The following BBOF1 variants were observed in gnomAD, a reference collection of about 807,000 sequenced individuals.
The protein encoded by BBOF1 is basal body orientation factor 1, also known as basal body-orientation factor 1.
In BBOF1, 62 loss-of-function variants were observed where a neutral mutation model predicts 68.0. That is an observed-to-expected ratio of 0.91 (90% CI 0.74 to 1.13). The LOEUF is 1.13. Ranked by LOEUF, BBOF1 falls within the 50% of genes most tolerant of loss-of-function variation. The pLI is 0.00. For missense variants in BBOF1, 534 were observed against 600.1 expected (o/e 0.89, Z 1.15); for synonymous variants, 208 against 198.8 (o/e 1.05, Z -0.39).
intron 12 of BBOF1, among the ~76,000 whole-genome samples, chr14:74,081,851 C>G (rs1280632830): frequency 6.6e-6 from 1 of 152,102 alleles, no homozygotes; most frequent in African/African-American, 2.4e-5. Context: ...AATTTTCAGC[C>G]CCATCAGTTA....
intron 9 of BBOF1, among the ~76,000 whole-genome samples, chr14:74,075,581 C>T (rs1468508): frequency 0.24 from 36,431 of 151,370 alleles, 4,897 homozygotes; most frequent in South Asian, 0.46. Flanking sequence ...TGCTTCAGCC[C>T]GGGAGGGTGA....
Position 74,055,642 on chromosome 14 carries a change from G to T in BBOF1, c.1345G>T (p.Val449Leu). Residue 449 changes from valine (V) to leucine (L), a missense_variant, in exon 9 of 12, where the codon GTA (valine) becomes TTA (leucine). Val to Leu is a conservative substitution (Grantham distance 32). Transcript: ENST00000394009. ...GDLTWEQKEK[V>L]LRLLFAKMNG... ...TTTGACCTGGGAGCAGAAGGAAAAA[G>T]TATTGCGATTGCTCTTTGCAAAAAT... is the stretch of plus-strand genomic sequence containing the variant. The T allele has an allele frequency of 6.2e-7, 1 of 1,614,012 alleles. No homozygotes were observed. Among genetic ancestry groups the T allele is most frequent in the Non-Finnish European group, 8.5e-7 (1 of 1,179,962 alleles).
chr14:74,031,558 G>T (rs2059570648), intron 3 of BBOF1, among the ~76,000 whole-genome samples: 1 of 152,016 alleles, frequency 6.6e-6, no homozygotes, highest in Non-Finnish European at 1.5e-5. Flanking sequence ...CATCATTCTG[G>T]AGGCTAGAAG....
chr14:74,028,711 A>ATT (rs879793491), intron 2 of BBOF1, among the ~76,000 whole-genome samples: 6 of 133,344 alleles, frequency 4.5e-5, no homozygotes, highest in South Asian at 2.4e-4. Flanking sequence ...CTCCATCTCT[A>ATT]TTTTTTTTTT....
rs1303283056 is a variant in BBOF1 at position 74,064,975 on chromosome 14, G to GA, written c.*279dup. 9.8e-6 allele frequency: 15 copies of GA among 1,529,810 alleles called. No homozygotes were observed. In the African/African-American group the frequency reaches 1.9e-4, roughly 20 times the overall value. 94.8% of individuals were successfully genotyped at this position (1,529,810 alleles called of 1,614,324 possible). ...TAAGGACAAAGGAACTCTCCATTTAGAAACACAAAGGCATCAGAGACCAGT... is the reference window on the plus strand; with the variant it reads ...TAAGGACAAAGGAACTCTCCATTTAGAAAACACAAAGGCATCAGAGACCAGT... On this transcript the variant is annotated 3_prime_UTR_variant, in exon 12 of 12. Coordinates refer to ENST00000394009, the MANE Select transcript of BBOF1 (RefSeq NM_025057.3).
At position 74,065,715 on chromosome 14, in the gene BBOF1, C is replaced by T; in HGVS notation, c.*1016C>T. ...ACATGAAAATTTATTTTTTATAAAT[C>T]CAATCTATAGTAAATATACCAGGAT... On this transcript the variant is annotated 3_prime_UTR_variant, in exon 12 of 12. Transcript: ENST00000394009. 1 of 275,842 alleles carries T rather than the reference C, an allele frequency of 3.6e-6. No homozygotes were observed. The highest frequency in any genetic ancestry group is 3.9e-5 in the South Asian group (1 of 25,370). The allele number at this position is 275,842 out of a possible 1,614,324, so 17.1% of individuals were successfully genotyped here. A position where few individuals can be genotyped will look rare whatever the true frequency, so the allele number is the denominator to read the frequency against.
At chr14:74,076,927 G>T (rs1023031671) in intron 9 of BBOF1, among the ~76,000 whole-genome samples, 1 of 152,164 alleles carries the variant, frequency 6.6e-6, no homozygotes, top group Non-Finnish European at 1.5e-5. Flanking sequence ...TCAGGACTGG[G>T]ATATAAAGGA....
intron 6 of BBOF1, among the ~76,000 whole-genome samples, chr14:74,047,693 C>A (rs923231599): frequency 6.6e-6 from 1 of 152,096 alleles, no homozygotes; most frequent in Non-Finnish European, 1.5e-5. Flanking sequence ...CCCGTCTCAG[C>A]CTCTCAAAGT....
At chr14:74,081,292 A>C (rs1397549016) in intron 12 of BBOF1, 1 of 152,244 alleles carries the variant, frequency 6.6e-6, no homozygotes, top group Non-Finnish European at 1.5e-5. Context: ...CTTAGTAAGC[A>C]ATATTTTGCA....
intron 10 of BBOF1, 81 bp from the exon 11 acceptor site, chr14:74,057,063 A>G (rs955925081): frequency 1.1e-5 from 18 of 1,592,444 alleles, no homozygotes; most frequent in Non-Finnish European, 1.5e-5. Context: ...AATTGAAAGT[A>G]ATATGACAAG....
chr14:74,034,927 A>C (rs968437046), intron 4 of BBOF1, among the ~76,000 whole-genome samples: 1 of 152,022 alleles, frequency 6.6e-6, no homozygotes, highest in Non-Finnish European at 1.5e-5. Context: ...CCAACTCTAC[A>C]AAAAAATGTT....
At chr14:74,046,179 T>G in intron 6 of BBOF1, 49 bp downstream of exon 6, 1 of 1,463,606 alleles carries the variant, frequency 6.8e-7, no homozygotes, top group Non-Finnish European at 9.3e-7. Flanking sequence ...CTCTTACCTC[T>G]TTGCTGGTCT....
Position 74,050,166 on chromosome 14 carries a change from G to C in BBOF1, c.1257G>C (p.Val419=), listed in dbSNP as rs767038308. Residue 419 remains valine, a synonymous_variant, in exon 8 of 12, where the codon GTG becomes GTC. Transcript: ENST00000394009. ...GCAGAGAGCACAGCACCAATAGTGT[G>C]AATCAGGATCTTCTGGAGGCCGAAA... ...FDGREHSTNS[V]NQDLLEAEKW... The C allele has an allele frequency of 5.1e-6, 8 of 1,560,198 alleles. No homozygotes were observed. The African/African-American group carries it at 8.2e-5, about 16-fold the overall frequency.
chr14:74,047,811 T>G, intron 6 of BBOF1, 119 bp from the exon 7 acceptor site: 1 of 837,550 alleles, frequency 1.2e-6, no homozygotes, highest in South Asian at 2.1e-5. Context: ...CACCATAAGC[T>G]AAATAGGTGG....
intron 11 of BBOF1, among the ~76,000 whole-genome samples, chr14:74,062,312 T>C (rs1445626012): frequency 6.6e-6 from 1 of 151,594 alleles, no homozygotes; most frequent in Non-Finnish European, 1.5e-5. Flanking sequence ...TTACAAAAGC[T>C]GTGACTAGGC....
At chr14:74,072,907 C>T (rs2060570099) in intron 9 of BBOF1, among the ~76,000 whole-genome samples, 1 of 151,880 alleles carries the variant, frequency 6.6e-6, no homozygotes, top group Non-Finnish European at 1.5e-5. Context: ...TCGAGCAATT[C>T]TCTTGCCTCA....
Position 74,023,136 on chromosome 14 carries a change from G to T in BBOF1, c.277G>T (p.Asp93Tyr). Reference sequence around the variant, plus strand: ...CCTGAAGAAGCAGGATCAGGAGAAAGATAATATGGTAGGTAGGTAGAAAGC... The same window carrying T: ...CCTGAAGAAGCAGGATCAGGAGAAATATAATATGGTAGGTAGGTAGAAAGC... ...SYLKKQDQEK[D>Y]NMIEKLKQQL... The change falls in exon 2 of 12, where the codon GAT becomes TAT. Residue 93 changes from aspartate to tyrosine, a missense_variant. Asp to Tyr is a radical substitution (Grantham distance 160). Transcript: ENST00000394009. 2 of 1,573,284 alleles carry T rather than the reference G, an allele frequency of 1.3e-6. No homozygotes were observed. Among genetic ancestry groups the T allele is most frequent in the Non-Finnish European group, 1.7e-6 (2 of 1,157,230 alleles).
At chr14:74,042,891 C>CAG (rs1225516222) in intron 5 of BBOF1, among the ~76,000 whole-genome samples, 1 of 151,034 alleles carries the variant, frequency 6.6e-6, no homozygotes, top group Non-Finnish European at 1.5e-5. Flanking sequence ...CACACACACA[C>CAG]ACACACACAC....
intron 2 of BBOF1, among the ~76,000 whole-genome samples, chr14:74,024,592 G>A (rs2059382857): frequency 6.6e-6 from 1 of 152,234 alleles, no homozygotes; most frequent in Non-Finnish European, 1.5e-5. Context: ...AGTCTTCCAA[G>A]TAGCTGGGAC....
Sources: allele counts gnomAD v4.1 joint callset (sites outside exome capture counted in the v4.1 genomes callset), GRCh38; gene constraint gnomAD v4.1.1; transcripts MANE v1.5; gene names NCBI Gene and HGNC (gene_info 2026-07-23, HGNC 2026-07-21).